Variants in SYT7 observed in about 807,000 individuals in gnomAD.
SYT7 encodes synaptotagmin 7, also known as synaptotagmin-7.
A neutral mutation model predicts 75.1 loss-of-function variants in SYT7; 29 were observed. The ratio of observed to expected loss-of-function variants is 0.39; its 90% confidence interval spans 0.29 to 0.53. SYT7 has a LOEUF of 0.53. Ranked by LOEUF, SYT7 falls within the 20% of genes least tolerant of loss-of-function variation. SYT7 has a pLI of 0.77. For synonymous variants in SYT7, 376 were observed against 401.7 expected (o/e 0.94, Z 0.76); for missense variants, 693 against 953.2 (o/e 0.73, Z 3.59).
chr11:61,518,709 C>T lies in SYT7; in HGVS notation c.1979G>A (p.Gly660Glu), dbSNP rs1226343594. 6.5e-7 allele frequency: 1 copy of T among 1,548,528 alleles called. No homozygotes were observed. Among genetic ancestry groups the T allele is most frequent in the Non-Finnish European group, 8.7e-7 (1 of 1,145,100 alleles). ...IGKIYLSWKS[G>E]PGEVKHWKDM... ...CTTCCAGTGCTTCACCTCCCCTGGC[C>T]CGCTCTTCCAGGACAGGTAGATCTG... The change falls in exon 13 of 13, where the codon GGG becomes GAG. Residue 660 changes from glycine (G) to glutamate (E), a missense_variant. Gly to Glu is a moderately conservative substitution (Grantham distance 98, BLOSUM62 -2). Coordinates refer to ENST00000539008, the MANE Select transcript of SYT7 (RefSeq NM_001365809.2).
chr11:61,547,124 AGGG>A (rs2063214610), intron 4 of SYT7, 50 bp downstream of exon 4: 2 of 1,523,056 alleles, frequency 1.3e-6, no homozygotes, highest in Non-Finnish European at 1.8e-6. Context: ...GGAGGGAAGG[AGGG>A]CGTGCGCGGA....
At chr11:61,547,369 A>G in intron 3 of SYT7, 61 bp from the exon 4 acceptor site, 2 of 1,525,526 alleles carry the variant, frequency 1.3e-6, no homozygotes, top group Non-Finnish European at 1.8e-6. Flanking sequence ...AAGAACTGCA[A>G]GTCCTGCGGG....
At chr11:61,550,519 A>G (rs1231357324) in intron 3 of SYT7, among the ~76,000 whole-genome samples, 1 of 152,144 alleles carries the variant, frequency 6.6e-6, no homozygotes, top group African/African-American at 2.4e-5. Flanking sequence ...GCTTCTAGGC[A>G]GAGCCCTTTG....
intron 6 of SYT7, 88 bp from the exon 7 acceptor site, chr11:61,538,354 A>G (rs867052021): frequency 7.8e-4 from 480 of 619,300 alleles, no homozygotes; most frequent in African/African-American, 1.9e-3. Context: ...AGGGAGAGAG[A>G]GAGAGAGAGA....
At position 61,547,202 on chromosome 11, in the gene SYT7, A is replaced by C; in HGVS notation, c.322T>G (p.Tyr108Asp). The change falls in exon 4 of 13, where the codon TAT becomes GAT. Residue 108 changes from tyrosine to aspartate, a missense_variant. Tyr to Asp is a radical substitution (Grantham distance 160). Coordinates refer to ENST00000539008, the MANE Select transcript of SYT7 (RefSeq NM_001365809.2). ...FILNISPYAPYGDPRLSLNGT... is the reference protein window; with the variant it reads ...FILNISPYAPDGDPRLSLNGT... ...TTGAGGGACAGTCGTGGGTCGCCAT[A>C]AGGGGCGTAGGGTGAAATGTTTAGA... The C allele has an allele frequency of 6.5e-7, 1 of 1,535,682 alleles. No homozygotes were observed.
chr11:61,582,695 C>A (rs2064305245), upstream of SYT7, among the ~76,000 whole-genome samples: 1 of 152,174 alleles, frequency 6.6e-6, no homozygotes, highest in South Asian at 2.1e-4. Flanking sequence ...GGCCACAATT[C>A]CTCAGTGGCC....
chr11:61,580,906 CG>C lies in SYT7; in HGVS notation c.-87del. ...CCGCCGCCGCCGCTGGGCATGGGGC[CG>C]GGCGACCCCCGGGGGCGGGTCCGAG... On this transcript the variant is annotated 5_prime_UTR_variant, in exon 1 of 13. Transcript: ENST00000539008. This position sits in a 1 kb window ranked among gnomAD's most constrained non-coding sequence, Gnocchi z 6.1. The C allele has an allele frequency of 9.2e-7, 1 of 1,090,140 alleles. No individual in the cohort carries two copies. Among genetic ancestry groups the C allele is most frequent in the Non-Finnish European group, 1.1e-6 (1 of 898,294 alleles). The allele number at this position is 1,090,140 out of a possible 1,614,324, so 67.5% of individuals were successfully genotyped here.
At position 61,546,004 on chromosome 11, in the gene SYT7, C is replaced by T. The variant is rs780804650; in HGVS notation, c.572+27G>A. 2.8e-5 allele frequency: 43 copies of T among 1,522,914 alleles called. No individual in the cohort carries two copies. The highest frequency in any genetic ancestry group is 3.4e-4 in the Middle Eastern group (2 of 5,960). 94.3% of individuals were successfully genotyped at this position (1,522,914 alleles called of 1,614,324 possible). Reference sequence around the variant, plus strand: ...CAGGGCAGGCCTGAGCTCATGGCTCCGGCAGCCATGGGGCGCCATCACTCA... The same window carrying T: ...CAGGGCAGGCCTGAGCTCATGGCTCTGGCAGCCATGGGGCGCCATCACTCA... On this transcript the variant is annotated intron_variant, in intron 5 of 12. Coordinates refer to ENST00000539008, the MANE Select transcript of SYT7 (RefSeq NM_001365809.2). The surrounding 1 kb of genome is among the most constrained non-coding windows in gnomAD (Gnocchi z 7.6).
chr11:61,546,414 C>G lies in SYT7; in HGVS notation c.348-159G>C, dbSNP rs2063191226. 1.7e-6 allele frequency: 1 copy of G among 580,046 alleles called. No homozygotes were observed. Among genetic ancestry groups the G allele is most frequent in the Non-Finnish European group, 3.0e-6 (1 of 331,810 alleles). 35.9% of individuals were successfully genotyped at this position (580,046 alleles called of 1,614,324 possible). ...CAGTGAGAGAGGAGGAGGAGAGAGA[C>G]AGACGGACATGAGACAGACAGAGAG... On this transcript the variant is annotated intron_variant, in intron 4 of 12. Coordinates refer to ENST00000539008, the MANE Select transcript of SYT7 (RefSeq NM_001365809.2). This position sits in a 1 kb window ranked among gnomAD's most constrained non-coding sequence, Gnocchi z 7.6.
intron 7 of SYT7, among the ~76,000 whole-genome samples, chr11:61,536,181 C>T (rs1023035714): frequency 5.9e-5 from 9 of 152,026 alleles, no homozygotes; most frequent in African/African-American, 1.9e-4. Flanking sequence ...TGGGTGGTGG[C>T]GAGGGCACGC....
chr11:61,523,297 G>T lies in SYT7; in HGVS notation c.1757-23C>A, dbSNP rs571321087. On this transcript the variant is annotated intron_variant, in intron 11 of 12. Transcript: ENST00000539008. This position sits in a 1 kb window ranked among gnomAD's most constrained non-coding sequence, Gnocchi z 5.0. Reference sequence around the variant, plus strand: ...GGTCTAGGGGAGGGAGTGGGGAAGGGTTAGAGGGACCGTGGGGGAGGGACT... The same window carrying T: ...GGTCTAGGGGAGGGAGTGGGGAAGGTTTAGAGGGACCGTGGGGGAGGGACT... 3.1e-6 allele frequency: 5 copies of T among 1,610,014 alleles called. No homozygotes were observed.
At chr11:61,538,023 G>A (rs915329541) in intron 7 of SYT7, 121 bp downstream of exon 7, 15 of 1,406,172 alleles carry the variant, frequency 1.1e-5, no homozygotes, top group East Asian at 2.5e-5. Context: ...TTGTCCTTCC[G>A]CTCCAGCATC....
In SYT7 at chr11:61,546,757, C is replaced by A; in HGVS notation, c.347+420G>T. On this transcript the variant is annotated intron_variant, in intron 4 of 12. Coordinates refer to ENST00000539008, the MANE Select transcript of SYT7 (RefSeq NM_001365809.2). The surrounding 1 kb of genome is among the most constrained non-coding windows in gnomAD (Gnocchi z 7.6). Reference sequence around the variant, plus strand: ...ACCACCATCACCGCCACCACCGCCACGAACCACCGACCACCGACCACCGAC... The same window carrying A: ...ACCACCATCACCGCCACCACCGCCAAGAACCACCGACCACCGACCACCGAC... 1 of 419,554 alleles carries A rather than the reference C, an allele frequency of 2.4e-6. No homozygotes were observed. The highest frequency in any genetic ancestry group is 4.7e-6 in the Non-Finnish European group (1 of 210,542). 26.0% of individuals were successfully genotyped at this position (419,554 alleles called of 1,614,324 possible). A position where few individuals can be genotyped will look rare whatever the true frequency, so the allele number is the denominator to read the frequency against.
intron 6 of SYT7, among the ~76,000 whole-genome samples, chr11:61,541,688 T>A (rs1590877343): frequency 1.4e-5 from 1 of 70,606 alleles, no homozygotes; most frequent in Non-Finnish European, 2.7e-5. Flanking sequence ...GGGGGAGGGC[T>A]GGTGGCAGGG....
chr11:61,558,760 G>A (rs1490404124), intron 1 of SYT7, among the ~76,000 whole-genome samples: 2 of 152,042 alleles, frequency 1.3e-5, no homozygotes, highest in African/African-American at 2.4e-5. Context: ...CTTTTTTGTT[G>A]AGACGGAGCT....
chr11:61,518,363 TC>T lies in SYT7; in HGVS notation c.*263del. 2.8e-6 allele frequency: 1 copy of T among 358,142 alleles called. No individual in the cohort carries two copies. The allele number at this position is 358,142 out of a possible 1,614,324, so 22.2% of individuals were successfully genotyped here. On this transcript the variant is annotated 3_prime_UTR_variant, in exon 13 of 13. Coordinates refer to ENST00000539008, the MANE Select transcript of SYT7 (RefSeq NM_001365809.2). The stretch of plus-strand genomic sequence containing the variant: ...GTCTGGCTCTCGAGCTCCCCCAACT[TC>T]TTTAGTATTAGTAAGTCAGGAAGAA...
chr11:61,524,598 G>A lies in SYT7; in HGVS notation c.1472-66C>T. On this transcript the variant is annotated intron_variant, in intron 9 of 12. Transcript: ENST00000539008. This position sits in a 1 kb window ranked among gnomAD's most constrained non-coding sequence, Gnocchi z 4.1. ...GGGCTGCACGGGGCCCGGGAGGCAA[G>A]GAAGGCCCTGGGAAGAGGAGGCAGG... 1.3e-6 allele frequency: 2 copies of A among 1,490,072 alleles called. No individual in the cohort carries two copies. The highest frequency in any genetic ancestry group is 1.8e-6 in the Non-Finnish European group (2 of 1,109,986). The allele number at this position is 1,490,072 out of a possible 1,614,324, so 92.3% of individuals were successfully genotyped here.
At chr11:61,527,861 G>C in intron 9 of SYT7, 54 bp downstream of exon 9, 1 of 1,595,976 alleles carries the variant, frequency 6.3e-7, no homozygotes, top group Non-Finnish European at 8.5e-7. Context: ...TTGGGTAGGG[G>C]GATGGTAGAC....
At position 61,514,219 on chromosome 11, in the gene SYT7, G is replaced by C. The variant is rs1023701867; in HGVS notation, c.*4408C>G. Among the ~76,000 whole-genome samples the C allele has an allele frequency of 2.6e-5, 4 of 152,256 alleles. No homozygotes were observed. The highest frequency in any genetic ancestry group is 9.6e-5 in the African/African-American group (4 of 41,470). On this transcript the variant is annotated 3_prime_UTR_variant, in exon 13 of 13. Coordinates refer to ENST00000539008, the MANE Select transcript of SYT7 (RefSeq NM_001365809.2). Reference sequence around the variant, plus strand: ...CTCTGACTTCAGGCTCAGTTTTCCAGGGCTGCTTTCATGGAGAGCGCCTGA... The same window carrying C: ...CTCTGACTTCAGGCTCAGTTTTCCACGGCTGCTTTCATGGAGAGCGCCTGA...
Sources: gnomAD v4.1 joint callset for allele counts (sites outside exome capture counted in the v4.1 genomes callset) on GRCh38, gnomAD v4.1.1 for gene constraint, Gnocchi (gnomAD v3.1) non-coding constraint, MANE v1.5 for transcripts, NCBI Gene and HGNC (gene_info 2026-07-23, HGNC 2026-07-21) for gene names.